KAZN: variants seen among roughly 807,000 people sequenced by gnomAD.
KAZN encodes the protein kazrin, periplakin interacting protein.
In KAZN, 40 loss-of-function variants were observed where a neutral mutation model predicts 87.4. The ratio of observed to expected loss-of-function variants is 0.46; its 90% CI spans 0.36 to 0.60. KAZN has a LOEUF of 0.60. KAZN is among the 20% of genes least tolerant of loss of function. The pLI is 0.00. For missense variants in KAZN, 898 were observed against 1,073.9 expected, an observed-to-expected ratio of 0.84 and a Z score of 2.29; for synonymous variants, 466 against 458.3, an observed-to-expected ratio of 1.02 and a Z score of -0.22.
chr1:14,148,771 A>T (rs1275203549), intron 1 of KAZN, among the ~76,000 whole-genome samples: 1 of 152,202 alleles, frequency 6.6e-6, no homozygotes, highest in East Asian at 1.9e-4. Context: ...AACAGGTGGC[A>T]CCAACCATTA....
intron 2 of KAZN, among the ~76,000 whole-genome samples, chr1:14,509,166 C>T (rs1367027938): frequency 6.6e-6 from 1 of 152,228 alleles, no homozygotes; most frequent in Non-Finnish European, 1.5e-5. Flanking sequence ...TTGCCATGGG[C>T]AAATTCAACT....
At chr1:14,371,070 C>T (rs767958630) in intron 2 of KAZN, among the ~76,000 whole-genome samples, 2 of 152,140 alleles carry the variant, frequency 1.3e-5, no homozygotes, top group Admixed American at 6.5e-5. Context: ...GAAGCTTGAG[C>T]CTCTAGCATA....
intron 1 of KAZN, among the ~76,000 whole-genome samples, chr1:14,711,857 G>C (rs924477213): frequency 2.0e-5 from 3 of 152,194 alleles, no homozygotes; most frequent in African/African-American, 4.8e-5. Flanking sequence ...AAAAGTCTGC[G>C]ACCAGATCCT....
At chr1:14,331,415 A>G (rs1444759938) in intron 2 of KAZN, among the ~76,000 whole-genome samples, 6 of 152,184 alleles carry the variant, frequency 3.9e-5, no homozygotes, top group Non-Finnish European at 8.8e-5. Context: ...AATTGACAGT[A>G]GTTTCTGAGA....
chr1:14,621,210 G>A (rs1678671203), intron 1 of KAZN, among the ~76,000 whole-genome samples: 1 of 152,198 alleles, frequency 6.6e-6, no homozygotes, highest in Non-Finnish European at 1.5e-5. Context: ...ATCAATGGCT[G>A]GAGGGTGGAA....
intron 2 of KAZN, among the ~76,000 whole-genome samples, chr1:14,365,326 T>A (rs571343107): frequency 6.8e-6 from 1 of 147,190 alleles, no homozygotes; most frequent in Admixed American, 6.9e-5. Flanking sequence ...GGATTACAGG[T>A]GTGAGCCACC....
At chr1:14,049,999 G>T (rs1194853446) in intron 1 of KAZN, among the ~76,000 whole-genome samples, 1 of 152,212 alleles carries the variant, frequency 6.6e-6, no homozygotes, top group Non-Finnish European at 1.5e-5. Context: ...CAGAGGGAAA[G>T]GGAGAGGGGC....
chr1:15,073,963 G>T (rs1332270265), intron 8 of KAZN, among the ~76,000 whole-genome samples: 1 of 152,194 alleles, frequency 6.6e-6, no homozygotes, highest in African/African-American at 2.4e-5. Context: ...TTGGGCTCCT[G>T]AGGAGGCCCA....
At chr1:14,172,042 AATG>A (rs1290051395) in intron 1 of KAZN, among the ~76,000 whole-genome samples, 3 of 152,196 alleles carry the variant, frequency 2.0e-5, no homozygotes, top group Non-Finnish European at 2.9e-5. Flanking sequence ...GTGAAATTGA[AATG>A]AGCCCTTCGT....
chr1:15,048,060 T>C (rs1218810027), intron 4 of KAZN, among the ~76,000 whole-genome samples: 2 of 152,110 alleles, frequency 1.3e-5, no homozygotes, highest in Non-Finnish European at 2.9e-5. Flanking sequence ...CTGAGGCCAC[T>C]GGGAAAGCAG....
At chr1:14,755,675 G>A (rs1644542208) in intron 1 of KAZN, among the ~76,000 whole-genome samples, 1 of 152,166 alleles carries the variant, frequency 6.6e-6, no homozygotes, top group Non-Finnish European at 1.5e-5. Context: ...TCAGTGTGGA[G>A]GGCAGCCCCT....
intron 1 of KAZN, among the ~76,000 whole-genome samples, chr1:14,938,956 T>C (rs1310286179): frequency 6.6e-6 from 1 of 152,190 alleles, no homozygotes; most frequent in East Asian, 1.9e-4. Flanking sequence ...TTTATTTATT[T>C]ATTCATTTTT....
intron 2 of KAZN, among the ~76,000 whole-genome samples, chr1:14,983,047 G>A (rs1666420239): frequency 6.6e-6 from 1 of 152,200 alleles, no homozygotes; most frequent in African/African-American, 2.4e-5. Flanking sequence ...GACAGCAAAA[G>A]GCTAACAAAT....
Position 14,444,343 on chromosome 1 carries a change from G to T in KAZN, c.250-154640G>T, listed in dbSNP as rs188778256. On this transcript the variant is annotated intron_variant, in intron 2 of 16. Transcript: ENST00000636203. The stretch of plus-strand genomic sequence containing the variant: ...TTTTTTTTTTTTGAGATGGAATCTC[G>T]CTCTTGTCACCCAGGCTGGAGTGCA... Among the ~76,000 whole-genome samples, 991 of 116,610 alleles carry T rather than the reference G, an allele frequency of 8.5e-3. 6 individuals are homozygous for T. Among genetic ancestry groups the T allele is most frequent in the Admixed American group, 0.024 (203 of 8,392 alleles). The allele number at this position is 116,610 out of a possible 152,430, so 76.5% of individuals were successfully genotyped here.
intron 2 of KAZN, among the ~76,000 whole-genome samples, chr1:14,250,718 C>A (rs960085625): frequency 2.0e-5 from 3 of 151,832 alleles, no homozygotes; most frequent in Non-Finnish European, 2.9e-5. Flanking sequence ...TAAATATTTC[C>A]TGCTTTTTAA....
chr1:14,104,294 C>G (rs1428775855), intron 1 of KAZN, among the ~76,000 whole-genome samples: 1 of 152,204 alleles, frequency 6.6e-6, no homozygotes, highest in South Asian at 2.1e-4. Flanking sequence ...CTGTCCTCAA[C>G]TCTTGACTCA....
chr1:14,068,995 C>T (rs1294206440), intron 1 of KAZN, among the ~76,000 whole-genome samples: 4 of 152,096 alleles, frequency 2.6e-5, no homozygotes, highest in African/African-American at 9.7e-5. Flanking sequence ...GATGGGGTAA[C>T]ACCATATTGG....
intron 1 of KAZN, among the ~76,000 whole-genome samples, chr1:14,763,122 T>C (rs1469861796): frequency 6.6e-6 from 1 of 152,164 alleles, no homozygotes; most frequent in Non-Finnish European, 1.5e-5. Context: ...AGAGGTATGG[T>C]GTGGCCAATA....
chr1:14,910,061 T>TAATGAATGAATGAATG (rs113826124), intron 1 of KAZN, among the ~76,000 whole-genome samples: 5,225 of 147,310 alleles, frequency 0.035, 131 homozygotes, highest in Non-Finnish European at 0.056. Flanking sequence ...AATAAATAAA[T>TAATGAATGAATGAATG]AATGAATGAA....
Sources: allele counts gnomAD v4.1 joint callset (sites outside exome capture counted in the v4.1 genomes callset), GRCh38; gene constraint gnomAD v4.1.1; transcripts MANE v1.5; gene names NCBI Gene and HGNC (gene_info 2026-07-23, HGNC 2026-07-21).